Variants in ZNF813 observed in about 807,000 individuals in gnomAD.
ZNF813 encodes the protein zinc finger protein 813.
Under a neutral mutation model 7.2 loss-of-function variants are expected in ZNF813, and 3 were observed. That is an observed-to-expected ratio of 0.42 (90% confidence interval 0.19 to 1.08). ZNF813 has a LOEUF of 1.08. Among genes scored for constraint, ZNF813 ranks in the 50% least tolerant of loss-of-function variants. The pLI is 0.30. For synonymous variants in ZNF813, 227 were observed against 256.3 expected (o/e 0.89, Z 1.09); for missense variants, 714 against 753.3 (o/e 0.95, Z 0.61).
chr19:53,485,940 C>A (rs2086431762), intron 2 of ZNF813, among the ~76,000 whole-genome samples: 1 of 152,016 alleles, frequency 6.6e-6, no homozygotes. Flanking sequence ...TCTCTGTTGC[C>A]CAGGCCGGAG....
intron 2 of ZNF813, among the ~76,000 whole-genome samples, chr19:53,484,414 A>G (rs1312386317): frequency 6.6e-6 from 1 of 152,206 alleles, no homozygotes; most frequent in African/African-American, 2.4e-5. Context: ...AGAATAGGAA[A>G]TCAACCTGAA....
intron 1 of ZNF813, among the ~76,000 whole-genome samples, chr19:53,475,555 G>A (rs2086378133): frequency 6.6e-6 from 1 of 152,288 alleles, no homozygotes; most frequent in Non-Finnish European, 1.5e-5. Context: ...GAAGCCCTTG[G>A]TACTGAGTCA....
At chr19:53,472,221 C>T (rs956039025) in intron 1 of ZNF813, among the ~76,000 whole-genome samples, 42 of 152,112 alleles carry the variant, frequency 2.8e-4, no homozygotes, top group Middle Eastern at 3.2e-3. Flanking sequence ...GTTTCACAGT[C>T]TGGTTTTACT....
chr19:53,487,797 CAAAA>C (rs35942754), intron 3 of ZNF813, among the ~76,000 whole-genome samples: 1 of 130,068 alleles, frequency 7.7e-6, no homozygotes, highest in Admixed American at 7.9e-5. Flanking sequence ...GACTCTGTCT[CAAAA>C]AAAAAAAAAA....
intron 2 of ZNF813, 98 bp from the exon 3 acceptor site, chr19:53,486,534 C>G: frequency 6.2e-7 from 1 of 1,602,708 alleles, no homozygotes; most frequent in South Asian, 1.1e-5. Flanking sequence ...ACATTCACTG[C>G]AATTAAATCC....
chr19:53,468,879 CACT>C (rs144080828), intron 1 of ZNF813, among the ~76,000 whole-genome samples: 36,068 of 151,952 alleles, frequency 0.24, 4,237 homozygotes, highest in Middle Eastern at 0.26. Flanking sequence ...CTTCCTCTTT[CACT>C]ACTCCTCCTC....
intron 3 of ZNF813, among the ~76,000 whole-genome samples, chr19:53,487,760 T>C (rs1230765305): frequency 6.9e-6 from 1 of 144,258 alleles, no homozygotes; most frequent in East Asian, 2.1e-4. Context: ...ACTGTGCCAT[T>C]GCCCTCCAGC....
intron 1 of ZNF813, among the ~76,000 whole-genome samples, chr19:53,481,530 G>T (rs986821405): frequency 1.3e-5 from 2 of 151,752 alleles, no homozygotes; most frequent in East Asian, 1.9e-4. Context: ...TGGATTTTTA[G>T]TAGAGATGGG....
chr19:53,482,706 C>CTTTTTTTTTTTTTTTTTTTTTTT (rs1568830690), intron 1 of ZNF813, among the ~76,000 whole-genome samples: 1 of 91,470 alleles, frequency 1.1e-5, no homozygotes, highest in African/African-American at 3.9e-5. Context: ...ATCAGGAATG[C>CTTTTTTTTTTTTTTTTTTTTTTT]TTTTTGTTTT....
chr19:53,486,574 T>C, intron 2 of ZNF813, 58 bp from the exon 3 acceptor site: 1 of 1,613,310 alleles, frequency 6.2e-7, no homozygotes, highest in South Asian at 1.1e-5. Flanking sequence ...CTTCTCATTT[T>C]CTGTGAAGAT....
chr19:53,473,073 A>G (rs2086367195), intron 1 of ZNF813, among the ~76,000 whole-genome samples: 1 of 152,236 alleles, frequency 6.6e-6, no homozygotes, highest in African/African-American at 2.4e-5. Flanking sequence ...GGGTAGCAAC[A>G]GCAAAACAGT....
rs35712939 is a variant in ZNF813, at chr19:53,490,669, C to T, written c.437C>T (p.Ser146Leu). 0.25 allele frequency: 396,681 copies of T among 1,613,872 alleles called. 49,715 individuals carry two copies. Among genetic ancestry groups the T allele is most frequent in the South Asian group, 0.28 (25,755 of 91,070 alleles). The change falls in exon 4 of 4, where the codon TCG becomes TTG. Residue 146 changes from serine (S) to leucine (L), a missense_variant. Physicochemically the swap from Ser to Leu is moderately radical, Grantham distance 145 (BLOSUM62 -2). Around this residue, in one of 3 missense-constraint regions of ZNF813, gnomAD observed 563 missense variants for 554.2 expected, o/e 1.02. Coordinates refer to ENST00000396403, the MANE Select transcript of ZNF813 (RefSeq NM_001004301.4). The stretch of plus-strand genomic sequence containing the variant: ...GATCAGCTTGGATCAAGCTTTCATT[C>T]GCATCTGCCTGAACTCCACATGTTT... ...IKDQLGSSFH[S>L]HLPELHMFQT...
Position 53,491,596 on chromosome 19 carries a change from T to C in ZNF813, c.1364T>C (p.Val455Ala). Residue 455 changes from valine (V) to alanine (A), a missense_variant, in exon 4 of 4, where the codon GTA (valine) becomes GCA (alanine). Coordinates refer to ENST00000396403, the MANE Select transcript of ZNF813 (RefSeq NM_001004301.4). ...VKTFSRNSALVIHKAIHIGEK... is the reference protein window; with the variant it reads ...VKTFSRNSALAIHKAIHIGEK... ...ACGTTCAGTCGAAATTCAGCCCTTGTAATTCATAAGGCTATTCATATTGGA... is the reference window on the plus strand; with the variant it reads ...ACGTTCAGTCGAAATTCAGCCCTTGCAATTCATAAGGCTATTCATATTGGA... 2 of 1,612,964 alleles carry C rather than the reference T, an allele frequency of 1.2e-6. No homozygotes were observed. Among genetic ancestry groups the C allele is most frequent in the Middle Eastern group, 3.3e-4 (2 of 6,040 alleles).
At chr19:53,474,222 T>C (rs1381199298) in intron 1 of ZNF813, among the ~76,000 whole-genome samples, 3 of 152,180 alleles carry the variant, frequency 2.0e-5, no homozygotes, top group African/African-American at 7.2e-5. Flanking sequence ...ACATCCTCTG[T>C]CGGATGCACG....
intron 1 of ZNF813, chr19:53,480,235 C>T: frequency 1.3e-6 from 1 of 752,762 alleles, no homozygotes; most frequent in Non-Finnish European, 2.4e-6. Context: ...TCCTCCCCTG[C>T]CTCTTTTTCA....
At chr19:53,479,566 C>T in intron 1 of ZNF813, 1 of 1,165,422 alleles carries the variant, frequency 8.6e-7, no homozygotes, top group Non-Finnish European at 1.3e-6. Context: ...GGCCACTGCC[C>T]TGCAAAAGCT....
At position 53,492,212 on chromosome 19, in the gene ZNF813, G is replaced by C; in HGVS notation, c.*126G>C. On this transcript the variant is annotated 3_prime_UTR_variant, in exon 4 of 4. Coordinates refer to ENST00000396403, the MANE Select transcript of ZNF813 (RefSeq NM_001004301.4). ...AAGAATTCATACTGGAGAGAAACAA[G>C]TGTAATGAACGTTGCAAAATTTTTA... 3 of 1,449,864 alleles carry C rather than the reference G, an allele frequency of 2.1e-6. No individual in the cohort carries two copies. Among genetic ancestry groups the C allele is most frequent in the South Asian group, 2.7e-5 (2 of 74,146 alleles). The allele number at this position is 1,449,864 out of a possible 1,614,324, so 89.8% of individuals were successfully genotyped here.
chr19:53,473,189 A>T lies in ZNF813; in HGVS notation c.-74+5400A>T, dbSNP rs569189367. On this transcript the variant is annotated intron_variant, in intron 1 of 3. Coordinates refer to ENST00000396403, the MANE Select transcript of ZNF813 (RefSeq NM_001004301.4). Reference sequence around the variant, plus strand: ...TAAAACAGTTAGTATTACAAGGAAAACTACTAGTCTTAAGATTTCTAACCA... The same window carrying T: ...TAAAACAGTTAGTATTACAAGGAAATCTACTAGTCTTAAGATTTCTAACCA... Among the ~76,000 whole-genome samples, 4 of 152,324 alleles carry T rather than the reference A, an allele frequency of 2.6e-5. No individual in the cohort carries two copies. In the South Asian group the frequency reaches 8.3e-4, roughly 32 times the overall value.
At chr19:53,475,871 A>G (rs540003207) in intron 1 of ZNF813, among the ~76,000 whole-genome samples, 3 of 152,246 alleles carry the variant, frequency 2.0e-5, no homozygotes, top group African/African-American at 4.8e-5. Flanking sequence ...TAAGGCTGGG[A>G]CCTGAGTTAA....
Sources: allele counts gnomAD v4.1 joint callset (sites outside exome capture counted in the v4.1 genomes callset), GRCh38; gene constraint gnomAD v4.1.1; regional missense constraint gnomAD v4.1.1; transcripts MANE v1.5; gene names NCBI Gene and HGNC (gene_info 2026-07-23, HGNC 2026-07-21).